The following TSPEAR variants were observed in gnomAD, a reference collection of about 807,000 sequenced individuals.
The protein encoded by TSPEAR is thrombospondin type laminin G domain and EAR repeats.
In TSPEAR, 69 loss-of-function variants were observed where a neutral mutation model predicts 71.6. The ratio of observed to expected loss-of-function variants is 0.96; its 90% CI spans 0.79 to 1.18. The LOEUF is 1.18. Among genes scored for constraint, TSPEAR ranks in the 50% most tolerant of loss-of-function variants. The pLI is 0.00. For missense variants in TSPEAR, 971 were observed against 894.9 expected, an observed-to-expected ratio of 1.09 and a Z score of -1.09; for synonymous variants, 402 against 387.2, an observed-to-expected ratio of 1.04 and a Z score of -0.45.
At chr21:44,614,339 C>T (rs114797358) in intron 1 of TSPEAR, among the ~76,000 whole-genome samples, 2,741 of 152,384 alleles carry the variant, frequency 0.018, 75 homozygotes, top group African/African-American at 0.053. Context: ...GGGACAGCGC[C>T]CAGAGACACG....
chr21:44,570,479 T>A (rs2053776994), intron 1 of TSPEAR, among the ~76,000 whole-genome samples: 3 of 152,072 alleles, frequency 2.0e-5, no homozygotes. Context: ...GAGACATGGG[T>A]CCAGAAGCCA....
In TSPEAR at chr21:44,524,251, T is replaced by C. The variant is rs180735855; in HGVS notation, c.1336+1402A>G. Among the ~76,000 whole-genome samples the C allele has an allele frequency of 1.1e-3, 170 of 151,594 alleles. 1 individual carries two copies. The highest frequency in any genetic ancestry group is 1.5e-3 in the Non-Finnish European group (105 of 67,846). On this transcript the variant is annotated intron_variant, in intron 8 of 11. Coordinates refer to ENST00000323084, the MANE Select transcript of TSPEAR (RefSeq NM_144991.3). Reference sequence around the variant, plus strand: ...GTCAGTCAGTGAGGTAGTCCATCAGTCAGCCAGCCAGCCAGCCAGTCAGGT... The same window carrying C: ...GTCAGTCAGTGAGGTAGTCCATCAGCCAGCCAGCCAGCCAGCCAGTCAGGT...
At chr21:44,651,244 T>C (rs1984772808) in intron 1 of TSPEAR, among the ~76,000 whole-genome samples, 1 of 151,940 alleles carries the variant, frequency 6.6e-6, no homozygotes, top group South Asian at 2.1e-4. Flanking sequence ...TTGTCTCTCC[T>C]CCCCTTTTCT....
At chr21:44,531,592 C>T (rs1183837007) in intron 3 of TSPEAR, among the ~76,000 whole-genome samples, 1 of 152,188 alleles carries the variant, frequency 6.6e-6, no homozygotes, top group South Asian at 2.1e-4. Flanking sequence ...GGGCACTTCA[C>T]CCCAGGGCCA....
In TSPEAR at chr21:44,509,257, A is replaced by G. The variant is rs1555912301; in HGVS notation, c.1696T>C (p.Tyr566His). The change falls in exon 10 of 12, where the codon TAC (tyrosine) becomes CAC (histidine). Residue 566 changes from tyrosine (Y) to histidine (H), a missense_variant. By Grantham distance (83) the Tyr-to-His change is moderately conservative. Coordinates refer to ENST00000323084, the MANE Select transcript of TSPEAR (RefSeq NM_144991.3). ...NDSYVINSVI[Y>H]ELNVTAQAFV... Reference sequence around the variant, plus strand: ...GCCTGCGCGGTCACGTTCAGCTCGTAGATGACGGAGTTGATGACATAGGAA... The same window carrying G: ...GCCTGCGCGGTCACGTTCAGCTCGTGGATGACGGAGTTGATGACATAGGAA... 1 of 1,614,132 alleles carries G rather than the reference A, an allele frequency of 6.2e-7. No homozygotes were observed. The highest frequency in any genetic ancestry group is 8.5e-7 in the Non-Finnish European group (1 of 1,180,022).
intron 1 of TSPEAR, among the ~76,000 whole-genome samples, chr21:44,655,038 A>G (rs1446639885): frequency 1.4e-4 from 21 of 152,194 alleles, no homozygotes; most frequent in African/African-American, 4.8e-4. Context: ...GGTCTTCCCA[A>G]GTAACGAGAG....
In TSPEAR at chr21:44,574,936, G is replaced by A. The variant is rs200036054; in HGVS notation, c.83-6931C>T. 67 of 1,605,288 alleles carry A rather than the reference G, an allele frequency of 4.2e-5. 1 individual carries two copies. The East Asian group carries it at 4.5e-4, about 11-fold the overall frequency. ...TCCTCCTGCCAACCCAGCTGCTGCC[G>A]CCCAGCCTCCTGCGTGTCCCTCCTC... On this transcript the variant is annotated intron_variant, in intron 1 of 11. Transcript: ENST00000323084.
At position 44,568,004 on chromosome 21, in the gene TSPEAR, G is replaced by T; in HGVS notation, c.84C>A (p.Asp28Glu). Residue 28 changes from aspartate to glutamate, a missense_variant and splice_region_variant, in exon 2 of 12, where the codon GAC becomes GAA. Coordinates refer to ENST00000323084, the MANE Select transcript of TSPEAR (RefSeq NM_144991.3). ...HGTQGWEPCTDLRPLDILAEV... is the reference protein window; with the variant it reads ...HGTQGWEPCTELRPLDILAEV... ...CCGCCAGGATGTCCAGGGGGCGCAG[G>T]TCTGTGGCAAAGAAATCACAGGTGG... 1 of 1,515,052 alleles carries T rather than the reference G, an allele frequency of 6.6e-7. No homozygotes were observed. The highest frequency in any genetic ancestry group is 1.3e-5 in the South Asian group (1 of 75,500). 93.9% of individuals were successfully genotyped at this position (1,515,052 alleles called of 1,614,324 possible). A position where few individuals can be genotyped will look rare whatever the true frequency, so the allele number is the denominator to read the frequency against.
intron 11 of TSPEAR, among the ~76,000 whole-genome samples, chr21:44,502,142 G>A (rs2052043582): frequency 6.6e-6 from 1 of 152,180 alleles, no homozygotes; most frequent in Admixed American, 6.5e-5. Context: ...TAAACATAGT[G>A]GACCGCACCA....
intron 8 of TSPEAR, among the ~76,000 whole-genome samples, chr21:44,525,389 A>G (rs1295382549): frequency 7.2e-5 from 11 of 152,156 alleles, no homozygotes; most frequent in African/African-American, 9.7e-5. Flanking sequence ...AGTTTCAGAC[A>G]AGGAGGGAGG....
At chr21:44,508,962 C>G (rs936406585) in intron 10 of TSPEAR, 1 of 1,537,216 alleles carries the variant, frequency 6.5e-7, no homozygotes, top group Non-Finnish European at 8.8e-7. Flanking sequence ...ACTCCGCACA[C>G]AGCACCCGGC....
rs781941344 is a variant in TSPEAR at position 44,697,534 on chromosome 21, G to C, written c.82+13899C>G. The C allele has an allele frequency of 1.9e-6, 3 of 1,613,272 alleles. No homozygotes were observed. Among genetic ancestry groups the C allele is most frequent in the Admixed American group, 1.7e-5 (1 of 59,906 alleles). ...CCTGCTGCGTGCCCGTCTGCTGCAAGACTGTCTGCTGCAAGCCTGTGTGCT... is the reference window on the plus strand; with the variant it reads ...CCTGCTGCGTGCCCGTCTGCTGCAACACTGTCTGCTGCAAGCCTGTGTGCT... On this transcript the variant is annotated intron_variant, in intron 1 of 11. Coordinates refer to ENST00000323084, the MANE Select transcript of TSPEAR (RefSeq NM_144991.3).
intron 2 of TSPEAR, among the ~76,000 whole-genome samples, chr21:44,543,077 C>T (rs2053248951): frequency 6.6e-6 from 1 of 151,816 alleles, no homozygotes; most frequent in African/African-American, 2.4e-5. Flanking sequence ...AGAATAATGA[C>T]ATCCTCTGGA....
chr21:44,661,832 C>G (rs115042025), intron 1 of TSPEAR, among the ~76,000 whole-genome samples: 1 of 152,022 alleles, frequency 6.6e-6, no homozygotes, highest in African/African-American at 2.4e-5. Context: ...CACTCACTGT[C>G]GCAAGGACAG....
At chr21:44,561,966 AGAAATTCT>A (rs1282984437) in intron 2 of TSPEAR, among the ~76,000 whole-genome samples, 3 of 152,292 alleles carry the variant, frequency 2.0e-5, no homozygotes, top group African/African-American at 7.2e-5. Context: ...ACATAGTATT[AGAAATTCT>A]GAACAGGGCA....
chr21:44,626,994 T>C (rs1030432035), intron 1 of TSPEAR: 2 of 988,006 alleles, frequency 2.0e-6, no homozygotes, highest in Non-Finnish European at 3.0e-6. Context: ...TCCCTAATCA[T>C]GGCAGACGCC....
At chr21:44,702,187 A>T in intron 1 of TSPEAR, 1 of 1,522,306 alleles carries the variant, frequency 6.6e-7, no homozygotes, top group Non-Finnish European at 8.9e-7. Flanking sequence ...CACCCCACAG[A>T]GCAAAAGCTC....
rs114847828 is a variant in TSPEAR, at chr21:44,700,781, C to A, written c.82+10652G>T. On this transcript the variant is annotated intron_variant, in intron 1 of 11. Transcript: ENST00000323084. ...GTCACTGTTAAGCCTGATACTGCCT[C>A]GTGGCCAATAAAAACAGTGGCTGAC... Among the ~76,000 whole-genome samples, 9 of 152,312 alleles carry A rather than the reference C, an allele frequency of 5.9e-5. No individual in the cohort carries two copies. The South Asian group carries it at 1.9e-3, about 32-fold the overall frequency.
chr21:44,528,791 T>G (rs587690605), intron 5 of TSPEAR, among the ~76,000 whole-genome samples: 2 of 152,368 alleles, frequency 1.3e-5, no homozygotes, highest in Non-Finnish European at 2.9e-5. Context: ...GACATCATGA[T>G]GCCCCCTATA....
Sources: allele counts gnomAD v4.1 joint callset (sites outside exome capture counted in the v4.1 genomes callset), GRCh38; gene constraint gnomAD v4.1.1; transcripts MANE v1.5; gene names NCBI Gene and HGNC (gene_info 2026-07-23, HGNC 2026-07-21).